UGT1A10: variants seen among roughly 807,000 people sequenced by gnomAD.
UGT1A10 encodes UDP glucuronosyltransferase family 1 member A10, also known as UDP-glucuronosyltransferase 1A10.
A neutral mutation model predicts 45.8 loss-of-function variants in UGT1A10; 49 were observed. That is an observed-to-expected ratio of 1.07 (90% CI 0.85 to 1.36). The LOEUF is 1.36. Ranked by LOEUF, UGT1A10 falls within the 40% of genes most tolerant of loss-of-function variation. UGT1A10 has a pLI of 0.00. For synonymous variants in UGT1A10, 284 were observed against 249.7 expected, an observed-to-expected ratio of 1.14 and a Z score of -1.29; for missense variants, 745 against 668.6, an observed-to-expected ratio of 1.11 and a Z score of -1.26.
At chr2:233,648,004 G>A in intron 1 of UGT1A10, 2 of 1,606,638 alleles carry the variant, frequency 1.2e-6, no homozygotes, top group Admixed American at 3.3e-5. Context: ...TGAGGTGGTT[G>A]TAGTCAGGCC....
chr2:233,760,258 G>C (rs1164776908), intron 1 of UGT1A10: 2 of 1,611,088 alleles, frequency 1.2e-6, no homozygotes, highest in Non-Finnish European at 1.7e-6. Context: ...AAGTAGGAGA[G>C]GGCGAACCTC....
At chr2:233,718,225 A>G (rs1206675638) in intron 1 of UGT1A10, among the ~76,000 whole-genome samples, 1 of 152,212 alleles carries the variant, frequency 6.6e-6, no homozygotes, top group Admixed American at 6.5e-5. Context: ...GCCACTTCAG[A>G]GAGAGTCCTC....
intron 1 of UGT1A10, 101 bp downstream of exon 1, chr2:233,637,478 T>A (rs1320356244): frequency 6.7e-7 from 1 of 1,498,686 alleles, no homozygotes; most frequent in Non-Finnish European, 8.9e-7. Context: ...TTTGTTGCAT[T>A]TCAAATTTCT....
chr2:233,682,702 T>A (rs1454428340), intron 1 of UGT1A10: 1 of 1,613,904 alleles, frequency 6.2e-7, no homozygotes, highest in Admixed American at 1.7e-5. Flanking sequence ...TGTTGCGAAC[T>A]GACTTTGTTT....
intron 1 of UGT1A10, among the ~76,000 whole-genome samples, chr2:233,736,165 G>T (rs533285485): frequency 6.6e-6 from 1 of 152,206 alleles, no homozygotes; most frequent in Non-Finnish European, 1.5e-5. Flanking sequence ...CGTAGATTTG[G>T]TCTTTCCACA....
At chr2:233,723,516 CTTTT>C (rs1162916866) in intron 1 of UGT1A10, among the ~76,000 whole-genome samples, 1 of 85,406 alleles carries the variant, frequency 1.2e-5, no homozygotes, top group African/African-American at 4.9e-5. Flanking sequence ...GGTCAACAAT[CTTTT>C]TTTTTTTTTT....
chr2:233,718,053 C>A, intron 1 of UGT1A10: 1 of 364,042 alleles, frequency 2.7e-6, no homozygotes, highest in Non-Finnish European at 5.4e-6. Flanking sequence ...GCTCCCTGAA[C>A]CCACCGTGGG....
chr2:233,690,774 C>G, intron 1 of UGT1A10: 1 of 1,062,400 alleles, frequency 9.4e-7, no homozygotes, highest in Non-Finnish European at 1.2e-6. Flanking sequence ...CACACACACA[C>G]ATACACACAC....
At position 233,768,333 on chromosome 2, in the gene UGT1A10, A is replaced by C. The variant is rs28934877; in HGVS notation, c.1189A>C (p.Asn397His). The change falls in exon 4 of 5, where the codon AAT becomes CAT. Residue 397 changes from asparagine (N) to histidine (H), a missense_variant. By Grantham distance (68) the Asn-to-His change is moderately conservative. Transcript: ENST00000344644. ...GCCCTTGTTTGGTGATCAGATGGAC[A>C]ATGCAAAGCGCATGGAGACTAAGGG... Reference protein sequence around the residue: ...MMPLFGDQMDNAKRMETKGAG... With the variant: ...MMPLFGDQMDHAKRMETKGAG... The C allele has an allele frequency of 3.7e-6, 6 of 1,614,220 alleles. 1 individual carries two copies. In the East Asian group the frequency reaches 1.1e-4, roughly 30 times the overall value.
Position 233,772,564 on chromosome 2 carries a change from TG to T in UGT1A10, c.*8del, listed in dbSNP as rs1250920366. 1 of 1,613,176 alleles carries T rather than the reference TG, an allele frequency of 6.2e-7. No individual in the cohort carries two copies. The highest frequency in any genetic ancestry group is 1.7e-5 in the Admixed American group (1 of 59,848). On this transcript the variant is annotated 3_prime_UTR_variant, in exon 5 of 5. Transcript: ENST00000344644. ...CACAAATCCAAGACCCATTGAGAAGTGGGTGGGAAATAAGGTAAAATTTTGA... is the reference window on the plus strand; with the variant it reads ...CACAAATCCAAGACCCATTGAGAAGTGGTGGGAAATAAGGTAAAATTTTGA...
At chr2:233,675,454 G>A (rs2074322313) in intron 1 of UGT1A10, among the ~76,000 whole-genome samples, 2 of 152,278 alleles carry the variant, frequency 1.3e-5, no homozygotes, top group Admixed American at 6.5e-5. Flanking sequence ...TTCAGGCTTT[G>A]TCTATACCAT....
At chr2:233,673,117 A>G (rs1199147499) in intron 1 of UGT1A10, among the ~76,000 whole-genome samples, 9 of 152,186 alleles carry the variant, frequency 5.9e-5, no homozygotes, top group Admixed American at 5.2e-4. Context: ...CCCAGAGGAA[A>G]TGGTCTTAGT....
At chr2:233,746,983 G>T (rs1426069164) in intron 1 of UGT1A10, among the ~76,000 whole-genome samples, 1 of 151,820 alleles carries the variant, frequency 6.6e-6, no homozygotes, top group Non-Finnish European at 1.5e-5. Context: ...AGCGAGCGCA[G>T]GGTCAGATGA....
chr2:233,687,558 A>G lies in UGT1A10; in HGVS notation c.855+50181A>G, dbSNP rs183508627. ...TATGCCTCAAGTAAGTGGGGGAGCC[A>G]GAATTCAAGACCATACATTCTTTGT... is the stretch of plus-strand genomic sequence containing the variant. On this transcript the variant is annotated intron_variant, in intron 1 of 4. Transcript: ENST00000344644. 6.0e-5 allele frequency among the ~76,000 whole-genome samples: 9 copies of G among 149,652 alleles called. No individual in the cohort carries two copies. In the East Asian group the frequency reaches 1.6e-3, roughly 26 times the overall value.
chr2:233,671,553 T>C (rs1381622571), intron 1 of UGT1A10, among the ~76,000 whole-genome samples: 1 of 152,196 alleles, frequency 6.6e-6, no homozygotes, highest in Non-Finnish European at 1.5e-5. Flanking sequence ...AAAATCTAAA[T>C]TTTGCTCTGG....
At chr2:233,638,025 C>T (rs2073347544) in intron 1 of UGT1A10, among the ~76,000 whole-genome samples, 1 of 152,128 alleles carries the variant, frequency 6.6e-6, no homozygotes, top group African/African-American at 2.4e-5. Context: ...TGTGTAAACA[C>T]TCTTCAATAC....
rs188496889 is a variant in UGT1A10, at chr2:233,733,647, G to A, written c.856-33387G>A. Among the ~76,000 whole-genome samples, 3 of 152,328 alleles carry A rather than the reference G, an allele frequency of 2.0e-5. No individual in the cohort carries two copies. The East Asian group carries it at 5.8e-4, about 29-fold the overall frequency. ...ATGTTGAACCAGCCTTGCATCCCAA[G>A]GATGAAGCCGACTTGATCGATGTGG... On this transcript the variant is annotated intron_variant, in intron 1 of 4. Coordinates refer to ENST00000344644, the MANE Select transcript of UGT1A10 (RefSeq NM_019075.4).
At chr2:233,742,372 A>C (rs1691957505) in intron 1 of UGT1A10, among the ~76,000 whole-genome samples, 1 of 152,034 alleles carries the variant, frequency 6.6e-6, no homozygotes, top group South Asian at 2.1e-4. Context: ...ACATGTCCTT[A>C]AGGCACAGAT....
chr2:233,747,003 G>A (rs1452133223), intron 1 of UGT1A10, among the ~76,000 whole-genome samples: 4 of 151,906 alleles, frequency 2.6e-5, no homozygotes, highest in African/African-American at 4.9e-5. Flanking sequence ...AGTTTTTCAA[G>A]TAGGAGTGAT....
Sources: allele counts gnomAD v4.1 joint callset (sites outside exome capture counted in the v4.1 genomes callset), GRCh38; gene constraint gnomAD v4.1.1; transcripts MANE v1.5; gene names NCBI Gene and HGNC (gene_info 2026-07-23, HGNC 2026-07-21).